The following SLC44A5 variants were observed in gnomAD, a reference collection of about 807,000 sequenced individuals.
SLC44A5 encodes choline transporter-like protein 5.
SLC44A5 carries 57 observed loss-of-function variants against 101.8 expected under a neutral mutation model. That is an observed-to-expected ratio of 0.56 (90% CI 0.45 to 0.70). SLC44A5 has a LOEUF of 0.70. SLC44A5 is among the 30% of genes least tolerant of loss of function. SLC44A5 has a pLI of 0.00. For synonymous variants in SLC44A5, 281 were observed against 290.9 expected, an observed-to-expected ratio of 0.97 and a Z score of 0.35; for missense variants, 737 against 853.1, an observed-to-expected ratio of 0.86 and a Z score of 1.70.
chr1:75,374,949 T>C (rs1660476700), intron 3 of SLC44A5, among the ~76,000 whole-genome samples: 1 of 152,186 alleles, frequency 6.6e-6, no homozygotes, highest in Admixed American at 6.5e-5. Flanking sequence ...ATTTAAAAAG[T>C]CAGAGTGTTT....
chr1:75,364,902 T>C (rs768533025), intron 3 of SLC44A5, among the ~76,000 whole-genome samples: 4 of 152,150 alleles, frequency 2.6e-5, no homozygotes, highest in Admixed American at 6.5e-5. Flanking sequence ...TGTTCACTTA[T>C]TGTATTTTTA....
At chr1:75,701,273 C>A in the SLC44A5 span, among the ~76,000 whole-genome samples, 5 of 152,150 alleles carry the variant, frequency 3.3e-5, no homozygotes, top group Non-Finnish European at 7.4e-5. Flanking sequence ...TACTGGCAAA[C>A]CAAATCCAGC....
At chr1:75,377,097 G>A (rs889709802) in intron 3 of SLC44A5, among the ~76,000 whole-genome samples, 3 of 152,076 alleles carry the variant, frequency 2.0e-5, no homozygotes, top group Non-Finnish European at 4.4e-5. Context: ...GTGGGGAAAA[G>A]CAAGAGAGAT....
At chr1:75,409,397 C>T (rs1361804103) in intron 2 of SLC44A5, among the ~76,000 whole-genome samples, 6 of 151,984 alleles carry the variant, frequency 3.9e-5, no homozygotes, top group African/African-American at 1.5e-4. Flanking sequence ...CAAACCTGCA[C>T]GTGTACTCCT....
chr1:75,267,972 T>C (rs1651139640), intron 6 of SLC44A5, among the ~76,000 whole-genome samples: 1 of 152,248 alleles, frequency 6.6e-6, no homozygotes, highest in Non-Finnish European at 1.5e-5. Flanking sequence ...AAGAATGTTC[T>C]TTTTAAAATG....
chr1:75,638,618 C>T, the SLC44A5 span, among the ~76,000 whole-genome samples: 1 of 152,036 alleles, frequency 6.6e-6, no homozygotes, highest in Non-Finnish European at 1.5e-5. Flanking sequence ...TCTCAAGCAA[C>T]CCATTAATAA....
At chr1:75,223,665 GCTC>G (rs1367558159) in intron 13 of SLC44A5, among the ~76,000 whole-genome samples, 1 of 152,122 alleles carries the variant, frequency 6.6e-6, no homozygotes, top group African/African-American at 2.4e-5. Flanking sequence ...TTGATGGAGA[GCTC>G]ATTATTTCAT....
the SLC44A5 span, among the ~76,000 whole-genome samples, chr1:75,628,283 A>G: frequency 6.6e-6 from 1 of 152,130 alleles, no homozygotes; most frequent in African/African-American, 2.4e-5. Flanking sequence ...CTGCAAATTG[A>G]TTTCACATAT....
intron 2 of SLC44A5, among the ~76,000 whole-genome samples, chr1:75,483,200 G>C (rs1179032225): frequency 6.6e-6 from 1 of 152,196 alleles, no homozygotes; most frequent in Non-Finnish European, 1.5e-5. Context: ...AAACAGAAGT[G>C]CTACCTCAGA....
chr1:75,579,849 G>C (rs2102065111), intron 1 of SLC44A5, among the ~76,000 whole-genome samples: 1 of 60,316 alleles, frequency 1.7e-5, no homozygotes, highest in South Asian at 7.1e-4. Context: ...ACACAAACTA[G>C]TCAGCCTATC....
At chr1:75,566,413 T>C (rs1672787638) in intron 1 of SLC44A5, among the ~76,000 whole-genome samples, 1 of 152,222 alleles carries the variant, frequency 6.6e-6, no homozygotes, top group Non-Finnish European at 1.5e-5. Context: ...AAGCAGAATA[T>C]GTGTTATTTT....
intron 3 of SLC44A5, among the ~76,000 whole-genome samples, chr1:75,377,301 A>G (rs1660698667): frequency 9.5e-6 from 1 of 105,628 alleles, no homozygotes; most frequent in Non-Finnish European, 1.9e-5. Context: ...GCTTTGTTAA[A>G]CAGATGCTTG....
At chr1:75,590,759 G>C (rs1674305063) in intron 1 of SLC44A5, among the ~76,000 whole-genome samples, 1 of 152,140 alleles carries the variant, frequency 6.6e-6, no homozygotes, top group South Asian at 2.1e-4. Context: ...ACTACATCTT[G>C]CAGTTTGAGT....
At chr1:75,206,739 A>G (rs1646756347) in intron 23 of SLC44A5, 1 of 1,310,224 alleles carries the variant, frequency 7.6e-7, no homozygotes, top group Admixed American at 1.9e-5. Flanking sequence ...CAGCAGCCAA[A>G]GCAGGCAAAA....
intron 3 of SLC44A5, among the ~76,000 whole-genome samples, chr1:75,386,703 A>C (rs1661377959): frequency 6.6e-6 from 1 of 151,990 alleles, no homozygotes; most frequent in Admixed American, 6.6e-5. Flanking sequence ...GAATTGGAAA[A>C]AACTACTTTA....
At chr1:75,339,749 T>G in intron 3 of SLC44A5, 119 bp from the exon 4 acceptor site, 2 of 769,676 alleles carry the variant, frequency 2.6e-6, no homozygotes, top group African/African-American at 1.8e-5. Flanking sequence ...GATGAATTCA[T>G]ACTTTGGTTT....
At chr1:75,663,197 T>C in the SLC44A5 span, among the ~76,000 whole-genome samples, 1 of 152,170 alleles carries the variant, frequency 6.6e-6, no homozygotes, top group Admixed American at 6.5e-5. Context: ...TGTTGAAATC[T>C]TAACCCTCAA....
Position 75,580,925 on chromosome 1 carries a change from T to G in SLC44A5, c.-70+30115A>C, listed in dbSNP as rs570696913. ...GCATAATGCACAGGGAATATTTTTT[T>G]AAAAAATCAAAACCTACAAGATGGA... On this transcript the variant is annotated intron_variant, in intron 1 of 23. Transcript: ENST00000370859. Among the ~76,000 whole-genome samples, 251 of 152,120 alleles carry G rather than the reference T, an allele frequency of 1.7e-3. 1 individual carries two copies. The highest frequency in any genetic ancestry group is 5.6e-3 in the African/African-American group (232 of 41,504).
At chr1:75,376,926 T>TG (rs1660667069) in intron 3 of SLC44A5, among the ~76,000 whole-genome samples, 4 of 151,994 alleles carry the variant, frequency 2.6e-5, no homozygotes. Context: ...TTGAAAACTT[T>TG]GAAAAAAATT....
Sources: allele counts gnomAD v4.1 joint callset (sites outside exome capture counted in the v4.1 genomes callset), GRCh38; gene constraint gnomAD v4.1.1; transcripts MANE v1.5; gene names NCBI Gene and HGNC (gene_info 2026-07-23, HGNC 2026-07-21).